The following WT1 variants were observed in gnomAD, a reference collection of about 807,000 sequenced individuals.
WT1 encodes WT1 transcription factor, also known as Wilms tumor protein.
In WT1, 8 loss-of-function variants were observed where a neutral mutation model predicts 60.8. The observed-to-expected ratio is 0.13, with a 90% CI of 0.08 to 0.24. The LOEUF is 0.24. Ranked by LOEUF, WT1 falls within the 10% of genes least tolerant of loss-of-function variation. The probability of loss-of-function intolerance (pLI) is 1.00; values close to 1 mark genes in which losing one functional copy is unlikely to be tolerated. For synonymous variants in WT1, 312 were observed against 297.1 expected (o/e 1.05, Z -0.52); for missense variants, 568 against 711.8 (o/e 0.80, Z 2.30).
chr11:32,415,933 G>T (rs973583930), intron 5 of WT1, among the ~76,000 whole-genome samples: 1 of 152,164 alleles, frequency 6.6e-6, no homozygotes, highest in Non-Finnish European at 1.5e-5. Flanking sequence ...GAGGGCGGCT[G>T]GTTGTGGAGT....
intron 5 of WT1, among the ~76,000 whole-genome samples, chr11:32,405,451 A>T (rs1852278871): frequency 6.6e-6 from 1 of 150,422 alleles, no homozygotes; most frequent in Admixed American, 6.6e-5. Flanking sequence ...CTCTGTCTGT[A>T]AAAAATATAT....
At chr11:32,434,164 T>A (rs1349885407) in intron 1 of WT1, among the ~76,000 whole-genome samples, 1 of 152,254 alleles carries the variant, frequency 6.6e-6, no homozygotes, top group Non-Finnish European at 1.5e-5. Context: ...CGATACTTAA[T>A]GTGCACCTAA....
intron 3 of WT1, among the ~76,000 whole-genome samples, chr11:32,425,502 A>T (rs1302264556): frequency 6.6e-6 from 1 of 152,236 alleles, no homozygotes; most frequent in African/African-American, 2.4e-5. Flanking sequence ...AAAGAGGGAA[A>T]CCATATAACT....
At chr11:32,393,884 G>A (rs1009857625) in intron 7 of WT1, among the ~76,000 whole-genome samples, 3 of 152,110 alleles carry the variant, frequency 2.0e-5, no homozygotes, top group Admixed American at 6.6e-5. Context: ...CTAAGGGCTG[G>A]AGCCTTTTTA....
Position 32,435,336 on chromosome 11 carries a change from G to C in WT1, c.25C>G (p.Pro9Ala). The C allele has an allele frequency of 6.5e-7, 1 of 1,532,094 alleles. No individual in the cohort carries two copies. Among genetic ancestry groups the C allele is most frequent in the East Asian group, 2.5e-5 (1 of 40,764 alleles). The allele number at this position is 1,532,094 out of a possible 1,614,324, so 94.9% of individuals were successfully genotyped here. The change falls in exon 1 of 10, where the codon CCG (proline) becomes GCG (alanine). Residue 9 changes from proline to alanine, a missense_variant. Pro to Ala is a conservative substitution (Grantham distance 27). Coordinates refer to ENST00000452863, the MANE Select transcript of WT1 (RefSeq NM_024426.6). Reference sequence around the variant, plus strand: ...GGCTCCGGGACACACGTGGAAGCCGGGTCCTGCAGCAAGAGGAAGTCCAGG... The same window carrying C: ...GGCTCCGGGACACACGTGGAAGCCGCGTCCTGCAGCAAGAGGAAGTCCAGG...
At chr11:32,405,820 C>A (rs531581426) in intron 5 of WT1, among the ~76,000 whole-genome samples, 4 of 152,236 alleles carry the variant, frequency 2.6e-5, no homozygotes, top group Admixed American at 2.6e-4. Context: ...GGAGACATTG[C>A]GTTATTTGCC....
intron 6 of WT1, among the ~76,000 whole-genome samples, chr11:32,396,854 C>A (rs1851990760): frequency 6.6e-6 from 1 of 152,114 alleles, no homozygotes; most frequent in Non-Finnish European, 1.5e-5. Context: ...GTGGGGACAT[C>A]CTTATTAGAA....
chr11:32,422,922 ACAAT>A (rs1852900825), intron 3 of WT1, among the ~76,000 whole-genome samples: 2 of 152,364 alleles, frequency 1.3e-5, no homozygotes, highest in East Asian at 3.9e-4. Flanking sequence ...CCTAAAAGAA[ACAAT>A]CAGTGTGCAT....
At chr11:32,410,825 C>G (rs1479221036) in intron 5 of WT1, among the ~76,000 whole-genome samples, 2 of 152,216 alleles carry the variant, frequency 1.3e-5, no homozygotes, top group East Asian at 1.9e-4. Context: ...AAAACTCCTA[C>G]TAAAATATGC....
chr11:32,430,381 C>G, intron 1 of WT1: 1 of 1,237,586 alleles, frequency 8.1e-7, no homozygotes, highest in Non-Finnish European at 1.1e-6. Flanking sequence ...GAGTGAAGGC[C>G]GAATTTCTGA....
Position 32,417,660 on chromosome 11 carries a change from A to G in WT1, c.888-6T>C, listed in dbSNP as rs1852720851. The G allele has an allele frequency of 1.2e-6, 2 of 1,612,216 alleles. No individual in the cohort carries two copies. The highest frequency in any genetic ancestry group is 1.7e-6 in the Non-Finnish European group (2 of 1,178,484). On this transcript the variant is annotated splice_region_variant and splice_polypyrimidine_tract_variant and intron_variant, in intron 3 of 9. Transcript: ENST00000452863. ...TCATTTGGTATAAATTGTCACTGTT[A>G]GAAAAACATCTAGAGTTAGAAACAC...
At chr11:32,403,710 G>A (rs1030496545) in intron 5 of WT1, among the ~76,000 whole-genome samples, 1 of 151,624 alleles carries the variant, frequency 6.6e-6, no homozygotes, top group Non-Finnish European at 1.5e-5. Flanking sequence ...GAGTAGCTGG[G>A]AATGCAGGCA....
Position 32,388,392 on chromosome 11 carries a change from T to C in WT1, c.*666A>G, listed in dbSNP as rs374306749. On this transcript the variant is annotated 3_prime_UTR_variant, in exon 10 of 10. Transcript: ENST00000452863. ...TAAGAGCAGTGTGCCAGTGTTCACA[T>C]TGAATTAACTGAATGGTAAAATTCT... 28 of 234,036 alleles carry C rather than the reference T, an allele frequency of 1.2e-4. No individual in the cohort carries two copies. The highest frequency in any genetic ancestry group is 5.6e-4 in the Admixed American group (10 of 17,888). 14.5% of individuals were successfully genotyped at this position (234,036 alleles called of 1,614,324 possible).
intron 2 of WT1, 75 bp from the exon 3 acceptor site, chr11:32,428,133 G>C: frequency 7.5e-7 from 1 of 1,336,276 alleles, no homozygotes; most frequent in Non-Finnish European, 1.0e-6. Context: ...GCAGGGGTTG[G>C]GGGAGACACG....
At chr11:32,427,813 A>G (rs1025067722) in intron 3 of WT1, 143 bp downstream of exon 3, 1 of 605,030 alleles carries the variant, frequency 1.7e-6, no homozygotes, top group African/African-American at 1.8e-5. Context: ...TAAGTAGTAG[A>G]GTGGAGTCGA....
Position 32,435,148 on chromosome 11 carries a change from C to A in WT1, c.213G>T (p.Pro71=), listed in dbSNP as rs2234582. 0.24 allele frequency: 359,718 copies of A among 1,517,410 alleles called. 49,299 individuals carry two copies. The highest frequency in any genetic ancestry group is 0.6 in the African/African-American group (42,280 of 70,622). The allele number at this position is 1,517,410 out of a possible 1,614,324, so 94.0% of individuals were successfully genotyped here. A position where few individuals can be genotyped will look rare whatever the true frequency, so the allele number is the denominator to read the frequency against. ...CCCGCACGTCGGAGCCCATTTGCTG[C>A]GGCTCAGACCCGGACGCCCCGCGGC... The change falls in exon 1 of 10, where the codon CCG becomes CCT. Residue 71 remains proline (P), a synonymous_variant. Coordinates refer to ENST00000452863, the MANE Select transcript of WT1 (RefSeq NM_024426.6).
chr11:32,435,425 GT>G lies in WT1; in HGVS notation c.-66del. 1 of 363,396 alleles carries G rather than the reference GT, an allele frequency of 2.8e-6. No individual in the cohort carries two copies. Among genetic ancestry groups the G allele is most frequent in the Admixed American group, 3.5e-5 (1 of 28,980 alleles). The allele number at this position is 363,396 out of a possible 1,614,324, so 22.5% of individuals were successfully genotyped here. A position where few individuals can be genotyped will look rare whatever the true frequency, so the allele number is the denominator to read the frequency against. ...TGCCGTCCCGGCTCTGGGTGGGTGG[GT>G]GGGTGAATGAGTAGGTGGGAGGGAG... On this transcript the variant is annotated 5_prime_UTR_variant, in exon 1 of 10. Coordinates refer to ENST00000452863, the MANE Select transcript of WT1 (RefSeq NM_024426.6).
chr11:32,399,171 G>GA (rs1852069236), intron 6 of WT1, among the ~76,000 whole-genome samples: 2 of 138,526 alleles, frequency 1.4e-5, no homozygotes, highest in Admixed American at 7.2e-5. Flanking sequence ...AAAAAAAAAA[G>GA]AAAAAGAAAA....
chr11:32,433,694 C>T (rs1853383914), intron 1 of WT1, among the ~76,000 whole-genome samples: 1 of 152,248 alleles, frequency 6.6e-6, no homozygotes, highest in African/African-American at 2.4e-5. Context: ...ACAGGGGCTC[C>T]GCAGGTTCGG....
Sources: allele counts gnomAD v4.1 joint callset (sites outside exome capture counted in the v4.1 genomes callset), GRCh38; gene constraint gnomAD v4.1.1; transcripts MANE v1.5; gene names NCBI Gene and HGNC (gene_info 2026-07-23, HGNC 2026-07-21).